Variants in SYT10 observed in about 807,000 individuals in gnomAD.
SYT10 encodes the protein synaptotagmin-10.
Under a neutral mutation model 51.1 loss-of-function variants are expected in SYT10, and 31 were observed. That is an observed-to-expected ratio of 0.61 (90% CI 0.46 to 0.82). SYT10 has a LOEUF of 0.82. SYT10 is among the 40% of genes least tolerant of loss of function. The probability of loss-of-function intolerance (pLI) is 0.00; values close to 1 mark genes in which losing one functional copy is unlikely to be tolerated. For missense variants in SYT10, 603 were observed against 634.0 expected (o/e 0.95, Z 0.53); for synonymous variants, 233 against 225.9 (o/e 1.03, Z -0.28).
At chr12:33,402,746 C>T (rs1429176352) in intron 3 of SYT10, among the ~76,000 whole-genome samples, 1 of 152,028 alleles carries the variant, frequency 6.6e-6, no homozygotes, top group Non-Finnish European at 1.5e-5. Flanking sequence ...TAAGATCTTG[C>T]ACAGGCCTTT....
chr12:33,392,684 A>C (rs1866219632), intron 3 of SYT10, among the ~76,000 whole-genome samples: 1 of 152,050 alleles, frequency 6.6e-6, no homozygotes, highest in South Asian at 2.1e-4. Context: ...GAAAGAAGGA[A>C]TGAATTTTAT....
chr12:33,426,098 A>ACG (rs1491453592), intron 2 of SYT10, 40 bp downstream of exon 2: 2 of 1,501,124 alleles, frequency 1.3e-6, no homozygotes, highest in African/African-American at 2.8e-5. Flanking sequence ...ACACACACAC[A>ACG]CGCACACACA....
intron 6 of SYT10, among the ~76,000 whole-genome samples, chr12:33,378,979 C>T (rs1470894951): frequency 6.6e-6 from 1 of 152,134 alleles, no homozygotes; most frequent in African/African-American, 2.4e-5. Context: ...TGTGAGCATG[C>T]AATGCTCATT....
At chr12:33,421,382 T>A (rs551627269) in intron 2 of SYT10, among the ~76,000 whole-genome samples, 1 of 152,224 alleles carries the variant, frequency 6.6e-6, no homozygotes, top group Non-Finnish European at 1.5e-5. Context: ...TAAATCTATA[T>A]AATTCCTCAT....
intron 2 of SYT10, among the ~76,000 whole-genome samples, chr12:33,417,559 C>A (rs1480285802): frequency 1.3e-5 from 2 of 152,164 alleles, no homozygotes; most frequent in East Asian, 3.9e-4. Flanking sequence ...GAAAATGTAT[C>A]AACACAATAG....
At chr12:33,384,730 A>AAAATGC (rs1186866875) in intron 4 of SYT10, among the ~76,000 whole-genome samples, 2 of 152,224 alleles carry the variant, frequency 1.3e-5, no homozygotes, top group Non-Finnish European at 2.9e-5. Context: ...TTAGGTGGAA[A>AAAATGC]AAATGCAAAT....
intron 4 of SYT10, among the ~76,000 whole-genome samples, 194 bp from the exon 5 acceptor site, chr12:33,382,714 A>G (rs1366761076): frequency 1.3e-5 from 2 of 152,196 alleles, no homozygotes; most frequent in African/African-American, 2.4e-5. Flanking sequence ...AATGGTCTAG[A>G]GTAAGAAGAT....
intron 3 of SYT10, among the ~76,000 whole-genome samples, chr12:33,400,940 T>C (rs1866298874): frequency 6.6e-6 from 1 of 151,734 alleles, no homozygotes; most frequent in African/African-American, 2.4e-5. Context: ...GCGGGAGAAT[T>C]GCTAGAACCT....
chr12:33,411,724 C>A (rs1046027402), intron 2 of SYT10, among the ~76,000 whole-genome samples: 5 of 152,166 alleles, frequency 3.3e-5, no homozygotes, highest in South Asian at 2.1e-4. Flanking sequence ...ATAAAAAAGT[C>A]TTTGCTAACT....
chr12:33,381,448 GT>G (rs1395935202), intron 5 of SYT10, among the ~76,000 whole-genome samples: 2 of 152,052 alleles, frequency 1.3e-5, no homozygotes, highest in East Asian at 3.9e-4. Context: ...AATTTTGTAG[GT>G]TAAAAACACA....
intron 3 of SYT10, among the ~76,000 whole-genome samples, chr12:33,400,037 G>C (rs548662112): frequency 1.4e-4 from 22 of 152,268 alleles, no homozygotes; most frequent in Middle Eastern, 3.4e-3. Flanking sequence ...TACACCCCAG[G>C]AGACCTGGTA....
intron 1 of SYT10, among the ~76,000 whole-genome samples, chr12:33,435,140 A>T (rs1483818275): frequency 6.6e-6 from 1 of 152,242 alleles, no homozygotes; most frequent in South Asian, 2.1e-4. Flanking sequence ...CCAGTATTAC[A>T]GTAATGACTG....
At chr12:33,425,818 T>C (rs537460464) in intron 2 of SYT10, among the ~76,000 whole-genome samples, 7 of 152,168 alleles carry the variant, frequency 4.6e-5, no homozygotes, top group Non-Finnish European at 5.9e-5. Flanking sequence ...ACTAATGATA[T>C]TTCAGTGGAA....
intron 2 of SYT10, chr12:33,408,449 T>C (rs1015081085): frequency 6.6e-6 from 1 of 152,206 alleles, no homozygotes; most frequent in Non-Finnish European, 1.5e-5. Flanking sequence ...ATTAAATATA[T>C]AAGCTTACTA....
chr12:33,428,009 G>C (rs1408765010), intron 1 of SYT10, among the ~76,000 whole-genome samples: 1 of 152,148 alleles, frequency 6.6e-6, no homozygotes, highest in African/African-American at 2.4e-5. Context: ...AGAAGTGAAG[G>C]CAAGACTGGA....
rs745458244 is a variant in SYT10, at chr12:33,406,984, A to G, written c.882T>C (p.Pro294=). The change falls in exon 3 of 7, where the codon CCT becomes CCC. Residue 294 remains proline (P), a synonymous_variant. Coordinates refer to ENST00000228567, the MANE Select transcript of SYT10 (RefSeq NM_198992.4). The part of the protein sequence containing the change: ...QTRVHRKTLN[P]LFDETFQFPV... ...GAAATTGAAAAGTTTCATCAAATAG[A>G]GGATTTAAAGTCTTTCTGTGCACGC... is the stretch of plus-strand genomic sequence containing the variant. The G allele has an allele frequency of 1.2e-6, 2 of 1,614,140 alleles. No homozygotes were observed. The highest frequency in any genetic ancestry group is 2.7e-5 in the African/African-American group (2 of 75,054).
chr12:33,424,255 G>A (rs931341264), intron 2 of SYT10, among the ~76,000 whole-genome samples: 1 of 152,074 alleles, frequency 6.6e-6, no homozygotes, highest in Non-Finnish European at 1.5e-5. Context: ...TCTAGCTAGG[G>A]ATAATCAAAT....
Sources: gnomAD v4.1 joint callset for allele counts (sites outside exome capture counted in the v4.1 genomes callset) on GRCh38, gnomAD v4.1.1 for gene constraint, MANE v1.5 for transcripts, NCBI Gene and HGNC (gene_info 2026-07-23, HGNC 2026-07-21) for gene names.